C4orf50: variants seen among roughly 807,000 people sequenced by gnomAD.
C4orf50 encodes chromosome 4 open reading frame 50, also known as uncharacterized protein C4orf50.
Under a neutral mutation model 77.2 loss-of-function variants are expected in C4orf50, and 80 were observed. The observed-to-expected ratio is 1.04, with a 90% CI of 0.87 to 1.25. The LOEUF (loss-of-function observed/expected upper bound fraction) is 1.25, where lower values mean the gene tolerates loss of function less well. Ranked by LOEUF, C4orf50 falls within the 50% of genes most tolerant of loss-of-function variation. The pLI, the probability that C4orf50 is intolerant of heterozygous loss-of-function variation, is 0.00. For missense variants in C4orf50, 1,257 were observed against 1,152.9 expected, an observed-to-expected ratio of 1.09 and a Z score of -1.31; for synonymous variants, 532 against 465.3, an observed-to-expected ratio of 1.14 and a Z score of -1.84.
chr4:5,971,537 G>A (rs6446426), intron 31 of C4orf50, among the ~76,000 whole-genome samples: 148,998 of 152,310 alleles, frequency 0.98, 72,891 homozygotes, highest in East Asian at 1. Flanking sequence ...CCACGGAAGC[G>A]TGTCCAGGCC....
chr4:6,005,984 G>A (rs1389574949), intron 25 of C4orf50, among the ~76,000 whole-genome samples: 1 of 152,192 alleles, frequency 6.6e-6, no homozygotes, highest in African/African-American at 2.4e-5. Flanking sequence ...GAAAATTACA[G>A]AGAGAATTTT....
At chr4:5,903,336 T>C (rs899752982) in intron 7 of C4orf50, 3 of 152,214 alleles carry the variant, frequency 2.0e-5, no homozygotes, top group Non-Finnish European at 2.9e-5. Flanking sequence ...AACATAGGCA[T>C]TTGTACACCT....
chr4:5,959,752 C>T, intron 33 of C4orf50, 126 bp from the exon 12 acceptor site: 1 of 1,175,074 alleles, frequency 8.5e-7, no homozygotes. Flanking sequence ...CTTTCTGTGC[C>T]TGGCACCAAA....
At position 5,932,007 on chromosome 4, in the gene C4orf50, G is replaced by A. The variant is rs540398759; in HGVS notation, c.*2474+24894C>T. ...GTCACCAGCTCAGTATTTACGGAGA[G>A]TTGTCACCTGACCCCAAAATGCTAA... On this transcript the variant is annotated intron_variant, in intron 7 of 7. Coordinates refer to the C4orf50 transcript ENST00000324058. The surrounding 1 kb of genome is among the most constrained non-coding windows in gnomAD (Gnocchi z 4.2). Among the ~76,000 whole-genome samples, 1 of 152,222 alleles carries A rather than the reference G, an allele frequency of 6.6e-6. No homozygotes were observed. The highest frequency in any genetic ancestry group is 1.9e-4 in the East Asian group (1 of 5,154).
chr4:5,929,341 A>T (rs1717658299), intron 7 of C4orf50, among the ~76,000 whole-genome samples: 3 of 152,180 alleles, frequency 2.0e-5, no homozygotes, highest in Admixed American at 2.0e-4. Context: ...CATCGGTTTG[A>T]AGGCGGGAAG....
downstream of C4orf50, among the ~76,000 whole-genome samples, chr4:5,955,352 T>G (rs967909000): frequency 1.3e-5 from 2 of 149,910 alleles, no homozygotes; most frequent in Non-Finnish European, 1.5e-5. This position sits in a 1 kb window ranked among gnomAD's most constrained non-coding sequence, Gnocchi z 5.1. Context: ...CAGGCGGGGG[T>G]GTGTGCTTGG....
intron 25 of C4orf50, among the ~76,000 whole-genome samples, chr4:5,996,971 G>A (rs1721619508): frequency 6.6e-6 from 1 of 152,182 alleles, no homozygotes; most frequent in African/African-American, 2.4e-5. Context: ...ATTGGAGTGT[G>A]AGAGGGAAAA....
chr4:5,962,370 A>C (rs1049287599), intron 33 of C4orf50, among the ~76,000 whole-genome samples: 3 of 152,232 alleles, frequency 2.0e-5, no homozygotes, highest in Non-Finnish European at 2.9e-5. Context: ...GCTGAAGAAC[A>C]CCTGACCAAC....
chr4:5,943,318 T>C (rs543771071), intron 7 of C4orf50, among the ~76,000 whole-genome samples: 3 of 152,252 alleles, frequency 2.0e-5, no homozygotes, highest in Non-Finnish European at 4.4e-5. Context: ...GCATTCACTT[T>C]GAAGCTAAGC....
intron 28 of C4orf50, 50 bp downstream of exon 6, chr4:5,988,297 C>T (rs192988211): frequency 4.7e-5 from 75 of 1,580,514 alleles, no homozygotes; most frequent in South Asian, 2.4e-5. Context: ...GGGTGGCCCC[C>T]GGAACAGAGT....
rs1722764744 is a variant in C4orf50, at chr4:6,018,458, TTAA to T, written c.-30_-28del. 7.5e-6 allele frequency: 3 copies of T among 398,968 alleles called. No homozygotes were observed. Among genetic ancestry groups the T allele is most frequent in the Non-Finnish European group, 1.3e-5 (3 of 226,062 alleles). The allele number at this position is 398,968 out of a possible 1,614,324, so 24.7% of individuals were successfully genotyped here. On this transcript the variant is annotated 5_prime_UTR_variant, in exon 23 of 34. Coordinates refer to ENST00000531445, the Ensembl canonical transcript of C4orf50. The surrounding 1 kb of genome is among the most constrained non-coding windows in gnomAD (Gnocchi z 5.1). The stretch of plus-strand genomic sequence containing the variant: ...TCAGAAATATTTCATGGGGCAAGAC[TTAA>T]TAATAAAATTAAGTGAGTTTGCAAC...
intron 27 of C4orf50, among the ~76,000 whole-genome samples, chr4:5,991,598 A>C (rs1239853484): frequency 6.6e-6 from 1 of 152,156 alleles, no homozygotes; most frequent in Non-Finnish European, 1.5e-5. Context: ...CCTGAGGATG[A>C]AATTTGCCTT....
intron 25 of C4orf50, among the ~76,000 whole-genome samples, chr4:6,004,888 T>G (rs994047499): frequency 6.7e-6 from 1 of 150,190 alleles, no homozygotes; most frequent in African/African-American, 2.5e-5. Flanking sequence ...AAGCTAGATT[T>G]GACTGATCAC....
At chr4:6,014,861 A>C (rs147576496) in intron 23 of C4orf50, among the ~76,000 whole-genome samples, 1 of 152,262 alleles carries the variant, frequency 6.6e-6, no homozygotes, top group African/African-American at 2.4e-5. Flanking sequence ...TTTAAAGAGA[A>C]CAGAGGACTC....
At chr4:5,998,707 G>A (rs56103545) in intron 25 of C4orf50, among the ~76,000 whole-genome samples, 1 of 152,206 alleles carries the variant, frequency 6.6e-6, no homozygotes, top group East Asian at 1.9e-4. Context: ...GCCCTCTGCC[G>A]TAGCATCACT....
chr4:5,964,765 C>G (rs1308510701), intron 33 of C4orf50, among the ~76,000 whole-genome samples: 2 of 10,922 alleles, frequency 1.8e-4, no homozygotes, highest in Non-Finnish European at 3.3e-4. Flanking sequence ...AAGACTCTGT[C>G]TCAAAAAAAA....
At chr4:5,946,773 T>C (rs907080134) in intron 7 of C4orf50, among the ~76,000 whole-genome samples, 1 of 152,266 alleles carries the variant, frequency 6.6e-6, no homozygotes, top group Non-Finnish European at 1.5e-5. Flanking sequence ...ACAAACTGCA[T>C]AAGGAATAAA....
At chr4:5,963,000 C>CTTTTTTTTTTTTTT (rs370272649) in intron 33 of C4orf50, among the ~76,000 whole-genome samples, 24 of 146,142 alleles carry the variant, frequency 1.6e-4, no homozygotes, top group East Asian at 1.1e-3. Context: ...TTTTTCTTTT[C>CTTTTTTTTTTTTTT]TTTTTTTTTT....
intron 7 of C4orf50, among the ~76,000 whole-genome samples, chr4:5,941,031 T>A (rs1718237354): frequency 6.6e-6 from 1 of 152,230 alleles, no homozygotes; most frequent in African/African-American, 2.4e-5. Flanking sequence ...GCAGAGCCAA[T>A]CTACATCTAA....
Sources: gnomAD v4.1 joint callset for allele counts (sites outside exome capture counted in the v4.1 genomes callset) on GRCh38, gnomAD v4.1.1 for gene constraint, Gnocchi (gnomAD v3.1) non-coding constraint, MANE v1.5 for transcripts, NCBI Gene and HGNC (gene_info 2026-07-23, HGNC 2026-07-21) for gene names.